Variants in SPAG16 observed in about 807,000 individuals in gnomAD.
SPAG16 encodes sperm-associated antigen 16 protein.
In SPAG16, 86 loss-of-function variants were observed where a neutral mutation model predicts 80.4. That is an observed-to-expected ratio of 1.07 (90% CI 0.90 to 1.28). SPAG16 has a LOEUF of 1.28. SPAG16 is among the 50% of genes most tolerant of loss of function. The pLI is 0.00. For synonymous variants in SPAG16, 294 were observed against 265.9 expected (o/e 1.11, Z -1.03); for missense variants, 870 against 765.3 (o/e 1.14, Z -1.61).
intron 6 of SPAG16, among the ~76,000 whole-genome samples, chr2:213,342,801 G>A (rs916595821): frequency 2.6e-5 from 4 of 151,576 alleles, no homozygotes; most frequent in Non-Finnish European, 4.4e-5. Context: ...TTTTAAGATG[G>A]TGGAAAATTG....
At chr2:213,780,482 A>G (rs1222915475) in intron 10 of SPAG16, among the ~76,000 whole-genome samples, 1 of 151,330 alleles carries the variant, frequency 6.6e-6, no homozygotes, top group Non-Finnish European at 1.5e-5. Context: ...ATGTTTTTTC[A>G]ACTATGTGGA....
At chr2:213,757,071 G>A (rs1264280312) in intron 10 of SPAG16, among the ~76,000 whole-genome samples, 2 of 152,106 alleles carry the variant, frequency 1.3e-5, no homozygotes, top group Non-Finnish European at 2.9e-5. Flanking sequence ...AATATCAGTT[G>A]TGATTTCATA....
chr2:214,163,272 G>A (rs2056520792), intron 15 of SPAG16, among the ~76,000 whole-genome samples: 1 of 151,714 alleles, frequency 6.6e-6, no homozygotes, highest in Non-Finnish European at 1.5e-5. Context: ...ATTAAAGTTG[G>A]CAAACCTTTT....
At position 214,276,087 on chromosome 2, in the gene SPAG16, T is replaced by A. The variant is rs570070063; in HGVS notation, c.1720+126821T>A. Among the ~76,000 whole-genome samples the A allele has an allele frequency of 3.3e-5, 5 of 152,320 alleles. No homozygotes were observed. In the East Asian group the frequency reaches 9.7e-4, roughly 29 times the overall value. On this transcript the variant is annotated intron_variant, in intron 15 of 15. Transcript: ENST00000331683. ...TCATTTGATCTTTGTTGGTTTAAAG[T>A]CTGTTTTATCAGAGACTAGAATTGC...
intron 12 of SPAG16, among the ~76,000 whole-genome samples, chr2:213,989,643 A>T (rs1428586895): frequency 6.6e-6 from 1 of 152,266 alleles, no homozygotes; most frequent in African/African-American, 2.4e-5. Context: ...AGTGGAAACA[A>T]TTTCTGATGG....
intron 11 of SPAG16, among the ~76,000 whole-genome samples, chr2:213,891,608 A>T (rs930706837): frequency 2.0e-5 from 3 of 152,146 alleles, no homozygotes; most frequent in African/African-American, 7.2e-5. Context: ...CAGTTCCAAA[A>T]TTGTGATGTA....
chr2:213,753,365 T>C (rs2068172749), intron 10 of SPAG16, among the ~76,000 whole-genome samples: 1 of 152,188 alleles, frequency 6.6e-6, no homozygotes, highest in East Asian at 1.9e-4. Context: ...CATAAGTGCA[T>C]AGGAAAATTT....
Position 214,140,690 on chromosome 2 carries a change from G to C in SPAG16, c.1594-8450G>C, listed in dbSNP as rs74933235. ...TTCCCTTTATTATTCTTTAGTAATAGACTCTAGTAATTTCTTTTCTGTAAT... is the reference window on the plus strand; with the variant it reads ...TTCCCTTTATTATTCTTTAGTAATACACTCTAGTAATTTCTTTTCTGTAAT... On this transcript the variant is annotated intron_variant, in intron 14 of 15. Coordinates refer to ENST00000331683, the MANE Select transcript of SPAG16 (RefSeq NM_024532.5). 9.7e-4 allele frequency among the ~76,000 whole-genome samples: 147 copies of C among 151,824 alleles called. 3 individuals are homozygous for C. The East Asian group carries it at 0.026, about 27-fold the overall frequency.
intron 10 of SPAG16, among the ~76,000 whole-genome samples, chr2:213,544,389 T>C (rs749614899): frequency 6.6e-6 from 1 of 152,070 alleles, no homozygotes; most frequent in South Asian, 2.1e-4. Context: ...TTTAGGTTCA[T>C]GGCAAAACTG....
At chr2:213,960,015 A>G (rs2044334600) in intron 12 of SPAG16, among the ~76,000 whole-genome samples, 1 of 152,178 alleles carries the variant, frequency 6.6e-6, no homozygotes. Context: ...CAGTATTCCC[A>G]CAATACTTGT....
At chr2:213,412,798 TATAATGATAAGAG>T (rs2069052693) in intron 9 of SPAG16, among the ~76,000 whole-genome samples, 1 of 152,136 alleles carries the variant, frequency 6.6e-6, no homozygotes, top group Admixed American at 6.5e-5. Context: ...AAGAGGAGAA[TATAATGATAAGAG>T]ATAGATCCTA....
At chr2:214,244,341 A>G (rs1475308363) in intron 15 of SPAG16, among the ~76,000 whole-genome samples, 3 of 151,734 alleles carry the variant, frequency 2.0e-5, no homozygotes. Flanking sequence ...ACTAATTAAT[A>G]GAATTTTCAG....
In SPAG16 at chr2:214,375,975, C is replaced by T. The variant is rs148482572; in HGVS notation, c.1721-34165C>T. Among the ~76,000 whole-genome samples, 389 of 151,730 alleles carry T rather than the reference C, an allele frequency of 2.6e-3. 2 individuals are homozygous for T. Among genetic ancestry groups the T allele is most frequent in the African/African-American group, 9.0e-3 (371 of 41,388 alleles). ...GAAGGTTTTTTTTCTTTCTTGGTGG[C>T]ACATAAAATAACAGTGATCTTAAGA... On this transcript the variant is annotated intron_variant, in intron 15 of 15. Coordinates refer to ENST00000331683, the MANE Select transcript of SPAG16 (RefSeq NM_024532.5).
At position 213,406,298 on chromosome 2, in the gene SPAG16, G is replaced by A. The variant is rs554583332; in HGVS notation, c.942+31179G>A. Among the ~76,000 whole-genome samples, 4 of 152,264 alleles carry A rather than the reference G, an allele frequency of 2.6e-5. No individual in the cohort carries two copies. The South Asian group carries it at 8.3e-4, about 32-fold the overall frequency. ...TTTGGGAGGCAGTGGGTAGGAATGGGAGATACCAAGGAAGATGGAAAAGCC... is the reference window on the plus strand; with the variant it reads ...TTTGGGAGGCAGTGGGTAGGAATGGAAGATACCAAGGAAGATGGAAAAGCC... On this transcript the variant is annotated intron_variant, in intron 9 of 15. Transcript: ENST00000331683.
intron 10 of SPAG16, among the ~76,000 whole-genome samples, chr2:213,854,538 C>A (rs1241203840): frequency 6.6e-6 from 1 of 152,170 alleles, no homozygotes; most frequent in Non-Finnish European, 1.5e-5. Flanking sequence ...GGCAGGCAGG[C>A]CCCAGATACC....
chr2:213,414,470 T>C (rs1446375438), intron 9 of SPAG16, among the ~76,000 whole-genome samples: 1 of 152,206 alleles, frequency 6.6e-6, no homozygotes, highest in African/African-American at 2.4e-5. Flanking sequence ...ATAGCTTGAA[T>C]CTAGATTTCA....
At chr2:213,573,076 A>G (rs535974218) in intron 10 of SPAG16, among the ~76,000 whole-genome samples, 22 of 152,220 alleles carry the variant, frequency 1.4e-4, no homozygotes, top group Admixed American at 1.2e-3. Context: ...AGGTGAGGCA[A>G]TGCCTCGCCC....
intron 14 of SPAG16, among the ~76,000 whole-genome samples, chr2:214,141,504 A>G (rs550039408): frequency 6.8e-4 from 103 of 152,088 alleles, no homozygotes; most frequent in African/African-American, 2.4e-3. Flanking sequence ...GATTTTTTAA[A>G]TATTTGTGCT....
chr2:214,209,220 C>T (rs889570997), intron 15 of SPAG16, among the ~76,000 whole-genome samples: 1 of 152,036 alleles, frequency 6.6e-6, no homozygotes, highest in Non-Finnish European at 1.5e-5. Flanking sequence ...GTTATTATAT[C>T]TCTTCATGCC....
Sources: gnomAD v4.1 joint callset for allele counts (sites outside exome capture counted in the v4.1 genomes callset) on GRCh38, gnomAD v4.1.1 for gene constraint, MANE v1.5 for transcripts, NCBI Gene and HGNC (gene_info 2026-07-23, HGNC 2026-07-21) for gene names.